The following SIAH1 variants were observed in gnomAD, a reference collection of about 807,000 sequenced individuals.
SIAH1 encodes the protein E3 ubiquitin-protein ligase SIAH1.
SIAH1 carries 2 observed loss-of-function variants against 20.0 expected under a neutral mutation model. The observed-to-expected ratio is 0.10, with a 90% CI of 0.04 to 0.31. The LOEUF is 0.31. Among genes scored for constraint, SIAH1 ranks in the 10% least tolerant of loss-of-function variants. The probability of loss-of-function intolerance (pLI) is 1.00; values close to 1 mark genes in which losing one functional copy is unlikely to be tolerated. For synonymous variants in SIAH1, 118 were observed against 125.3 expected (o/e 0.94, Z 0.39); for missense variants, 119 against 355.3 (o/e 0.33, Z 5.35).
intron 1 of SIAH1, among the ~76,000 whole-genome samples, chr16:48,370,419 C>T (rs1306996566): frequency 6.6e-6 from 1 of 152,188 alleles, no homozygotes; most frequent in Non-Finnish European, 1.5e-5. Flanking sequence ...GCCCCAAACA[C>T]ATATTAAGCA....
chr16:48,369,455 T>C (rs571544056), intron 1 of SIAH1, among the ~76,000 whole-genome samples: 3 of 152,324 alleles, frequency 2.0e-5, no homozygotes, highest in African/African-American at 7.2e-5. Flanking sequence ...ACATTAGATA[T>C]ACATGGAGTT....
chr16:48,382,506 C>T (rs990467501), intron 1 of SIAH1, among the ~76,000 whole-genome samples: 5 of 152,126 alleles, frequency 3.3e-5, no homozygotes, highest in African/African-American at 1.2e-4. Flanking sequence ...CAATTCTTGC[C>T]CTTATGCAGC....
rs764308006 is a variant in SIAH1 at position 48,361,673 on chromosome 16, C to G, written c.756G>C (p.Met252Ile). 5 of 1,613,472 alleles carry G rather than the reference C, an allele frequency of 3.1e-6. No homozygotes were observed. Among genetic ancestry groups the G allele is most frequent in the Non-Finnish European group, 4.2e-6 (5 of 1,179,412 alleles). ...TGTCAAAGACTAGACAGTCGCTATT[C>G]ATAATGGCTGTTGCAATTCCTTCAT... is the stretch of plus-strand genomic sequence containing the variant. ...SIHEGIATAI[M>I]NSDCLVFDTS... is the part of the protein sequence containing the mutation. Residue 252 changes from methionine (M) to isoleucine (I), a missense_variant, in exon 2 of 2, where the codon ATG (methionine) becomes ATC (isoleucine). Met to Ile is a conservative substitution (Grantham distance 10). Transcript: ENST00000394725.
chr16:48,379,223 A>G (rs1042545603), intron 1 of SIAH1, among the ~76,000 whole-genome samples: 1 of 151,076 alleles, frequency 6.6e-6, no homozygotes, highest in Non-Finnish European at 1.5e-5. Flanking sequence ...ACACTCTAGC[A>G]TTAGGACATG....
In SIAH1 at chr16:48,362,144, A is replaced by C; in HGVS notation, c.285T>G (p.Leu95=). 4 of 1,614,174 alleles carry C rather than the reference A, an allele frequency of 2.5e-6. No homozygotes were observed. Among genetic ancestry groups the C allele is most frequent in the Non-Finnish European group, 3.4e-6 (4 of 1,180,034 alleles). Reference sequence around the variant, plus strand: ...CAGAAGACGCATATTTACAGGGGAAAAGTACTGAATTAGCCACTTTCTCCA... The same window carrying C: ...CAGAAGACGCATATTTACAGGGGAACAGTACTGAATTAGCCACTTTCTCCA... ...LAMEKVANSV[L]FPCKYASSGC... The change falls in exon 2 of 2, where the codon CTT becomes CTG. Residue 95 remains leucine (L), a synonymous_variant. Coordinates refer to ENST00000394725, the MANE Select transcript of SIAH1 (RefSeq NM_003031.4). This position sits in a 1 kb window ranked among gnomAD's most constrained non-coding sequence, Gnocchi z 4.2.
chr16:48,382,784 A>C (rs1006591741), intron 1 of SIAH1, among the ~76,000 whole-genome samples: 13 of 152,232 alleles, frequency 8.5e-5, no homozygotes, highest in African/African-American at 2.4e-5. Context: ...AAGAACCTCC[A>C]ATCTTTAAAA....
rs996745709 is a variant in SIAH1 at position 48,360,828 on chromosome 16, G to A, written c.*752C>T. ...CTCATCTGTAGAAGACAGAAAGAGA[G>A]CACCTTATAGATGCTTTAAATAGCT... On this transcript the variant is annotated 3_prime_UTR_variant, in exon 2 of 2. Coordinates refer to ENST00000394725, the MANE Select transcript of SIAH1 (RefSeq NM_003031.4). The A allele has an allele frequency of 6.6e-6, 1 of 152,214 alleles. No individual in the cohort carries two copies. The highest frequency in any genetic ancestry group is 1.5e-5 in the Non-Finnish European group (1 of 68,036). The allele number at this position is 152,214 out of a possible 1,614,324, so 9.4% of individuals were successfully genotyped here. A position where few individuals can be genotyped will look rare whatever the true frequency, so the allele number is the denominator to read the frequency against.
intron 1 of SIAH1, among the ~76,000 whole-genome samples, chr16:48,372,660 A>G (rs1366454546): frequency 1.3e-5 from 2 of 152,192 alleles, no homozygotes; most frequent in Admixed American, 6.5e-5. Flanking sequence ...CCTAAATGCC[A>G]TCATGGTTTC....
At chr16:48,385,494 TG>T (rs542576035), upstream of SIAH1, 298 of 150,522 alleles carry the variant, frequency 2.0e-3, 2 homozygotes, top group Admixed American at 4.4e-3. Context: ...GCTGGGAGCC[TG>T]GGGGGGCGGG....
chr16:48,384,713 G>C (rs1412283848), intron 1 of SIAH1, among the ~76,000 whole-genome samples: 1 of 151,086 alleles, frequency 6.6e-6, no homozygotes, highest in Non-Finnish European at 1.5e-5. Flanking sequence ...CCGGGCCTCC[G>C]GGCGCCGCGG....
At chr16:48,382,045 C>G (rs1255835171) in intron 1 of SIAH1, among the ~76,000 whole-genome samples, 1 of 152,080 alleles carries the variant, frequency 6.6e-6, no homozygotes, top group Non-Finnish European at 1.5e-5. Context: ...TTAAAAAAAT[C>G]TGCATAAGGG....
At chr16:48,380,968 T>TG (rs1029533178) in intron 1 of SIAH1, among the ~76,000 whole-genome samples, 3 of 124,566 alleles carry the variant, frequency 2.4e-5, no homozygotes, top group Admixed American at 1.8e-4. Flanking sequence ...TCCAGAACAG[T>TG]GGTAGCTCCA....
At chr16:48,379,847 A>C (rs1164141339) in intron 1 of SIAH1, among the ~76,000 whole-genome samples, 1 of 152,224 alleles carries the variant, frequency 6.6e-6, no homozygotes, top group African/African-American at 2.4e-5. Context: ...GCTTGCAAGT[A>C]AAGTCCAAAA....
intron 1 of SIAH1, among the ~76,000 whole-genome samples, chr16:48,383,312 CTTTA>C (rs1218806600): frequency 3.3e-5 from 5 of 152,098 alleles, no homozygotes; most frequent in African/African-American, 4.8e-5. Context: ...AAATCTGTAT[CTTTA>C]TTTAAATTTT....
chr16:48,361,322 C>G lies in SIAH1; in HGVS notation c.*258G>C, dbSNP rs1960584211. On this transcript the variant is annotated 3_prime_UTR_variant, in exon 2 of 2. Coordinates refer to ENST00000394725, the MANE Select transcript of SIAH1 (RefSeq NM_003031.4). ...AACTCAGAATTATTTTACAATGCTT[C>G]CTTTCTTAATACAAAAGATGCCCAT... The G allele has an allele frequency of 7.9e-6, 3 of 379,832 alleles. No homozygotes were observed. Among genetic ancestry groups the G allele is most frequent in the East Asian group, 4.8e-5 (1 of 21,020 alleles). The allele number at this position is 379,832 out of a possible 1,614,324, so 23.5% of individuals were successfully genotyped here.
intron 1 of SIAH1, among the ~76,000 whole-genome samples, chr16:48,373,440 C>A: frequency 6.6e-6 from 1 of 152,152 alleles, no homozygotes; most frequent in East Asian, 1.9e-4. Context: ...CAAGCGCCTT[C>A]GAGTCAGCCT....
At chr16:48,381,018 A>G in intron 1 of SIAH1, among the ~76,000 whole-genome samples, 1 of 151,754 alleles carries the variant, frequency 6.6e-6, no homozygotes, top group Non-Finnish European at 1.5e-5. Context: ...ACGCTCATTC[A>G]TTGCTTGTAG....
intron 1 of SIAH1, chr16:48,365,009 A>AT: frequency 5.3e-6 from 1 of 188,088 alleles, no homozygotes. Context: ...CAGAAAGCAC[A>AT]TTTTAACTCC....
chr16:48,363,519 T>C (rs1460869268), intron 1 of SIAH1: 1 of 167,028 alleles, frequency 6.0e-6, no homozygotes, highest in Non-Finnish European at 1.5e-5. Context: ...GTAGAGAAAG[T>C]ATATCTTTCT....
Sources: allele counts gnomAD v4.1 joint callset (sites outside exome capture counted in the v4.1 genomes callset), GRCh38; gene constraint gnomAD v4.1.1; non-coding constraint Gnocchi (gnomAD v3.1); transcripts MANE v1.5; gene names NCBI Gene and HGNC (gene_info 2026-07-23, HGNC 2026-07-21).